The following MAP7 variants were observed in gnomAD, a reference collection of about 807,000 sequenced individuals.
The protein encoded by MAP7 is microtubule associated protein 7.
MAP7 carries 52 observed loss-of-function variants against 94.8 expected under a neutral mutation model. The observed-to-expected ratio is 0.55, with a 90% confidence interval of 0.44 to 0.69. The LOEUF (loss-of-function observed/expected upper bound fraction) is 0.69. Ranked by LOEUF, MAP7 falls within the 30% of genes least tolerant of loss-of-function variation. MAP7 has a pLI of 0.00. For synonymous variants in MAP7, 350 were observed against 357.0 expected, an observed-to-expected ratio of 0.98 and a Z score of 0.22; for missense variants, 940 against 964.6, an observed-to-expected ratio of 0.97 and a Z score of 0.34.
At chr6:136,350,140 C>T (rs533896301) in intron 16 of MAP7, among the ~76,000 whole-genome samples, 1 of 152,182 alleles carries the variant, frequency 6.6e-6, no homozygotes, top group African/African-American at 2.4e-5. Context: ...TACCACTATA[C>T]TTGCATGATC....
intron 1 of MAP7, among the ~76,000 whole-genome samples, chr6:136,524,979 A>T (rs1827422866): frequency 6.6e-6 from 1 of 152,232 alleles, no homozygotes; most frequent in Admixed American, 6.5e-5. Flanking sequence ...AAGGGGAAGC[A>T]AGACTTAGGA....
At chr6:136,538,344 T>C (rs563369571) in intron 1 of MAP7, among the ~76,000 whole-genome samples, 1 of 152,350 alleles carries the variant, frequency 6.6e-6, no homozygotes, top group African/African-American at 2.4e-5. Context: ...AGGCAAGTTG[T>C]ATGTTTCCTC....
intron 1 of MAP7, chr6:136,475,821 C>T (rs989120284): frequency 3.3e-5 from 5 of 152,048 alleles, no homozygotes; most frequent in Non-Finnish European, 5.9e-5. Context: ...GAAAATCAGC[C>T]TCTAGCCATC....
chr6:136,483,840 C>G (rs1034386983), intron 1 of MAP7, among the ~76,000 whole-genome samples: 9 of 152,136 alleles, frequency 5.9e-5, no homozygotes, highest in African/African-American at 2.2e-4. Context: ...ACATAGTGGC[C>G]TACCTTCAGA....
rs777001236 is a variant in MAP7 at position 136,372,483 on chromosome 6, C to T, written c.876+18G>A. ...ACTGGCTCCCAGACTTGCCCAGCTGCTCCCAACAGCTACTCACCGCTGTGC... is the reference window on the plus strand; with the variant it reads ...ACTGGCTCCCAGACTTGCCCAGCTGTTCCCAACAGCTACTCACCGCTGTGC... On this transcript the variant is annotated intron_variant, in intron 8 of 17. Transcript: ENST00000354570. 1 of 1,613,518 alleles carries T rather than the reference C, an allele frequency of 6.2e-7. No homozygotes were observed. Among genetic ancestry groups the T allele is most frequent in the Non-Finnish European group, 8.5e-7 (1 of 1,179,884 alleles).
At chr6:136,439,129 CA>C (rs954666174) in intron 1 of MAP7, among the ~76,000 whole-genome samples, 1 of 152,176 alleles carries the variant, frequency 6.6e-6, no homozygotes, top group Non-Finnish European at 1.5e-5. Context: ...ATGTATGTAT[CA>C]AACCAAAATA....
chr6:136,503,644 C>T (rs1310776379), intron 1 of MAP7, among the ~76,000 whole-genome samples: 1 of 152,158 alleles, frequency 6.6e-6, no homozygotes, highest in Non-Finnish European at 1.5e-5. Context: ...CTGTCCTTTC[C>T]ATTATTTAAA....
At chr6:136,384,569 G>A (rs1226277996) in intron 5 of MAP7, among the ~76,000 whole-genome samples, 1 of 151,186 alleles carries the variant, frequency 6.6e-6, no homozygotes, top group Non-Finnish European at 1.5e-5. Flanking sequence ...CTGCAGCCTC[G>A]ATCTCCTGGG....
At chr6:136,362,207 G>C (rs1328685540) in intron 11 of MAP7, among the ~76,000 whole-genome samples, 1 of 152,052 alleles carries the variant, frequency 6.6e-6, no homozygotes, top group Non-Finnish European at 1.5e-5. Flanking sequence ...GATCCCTTGA[G>C]CCCAAGAGTT....
intron 1 of MAP7, among the ~76,000 whole-genome samples, chr6:136,458,966 C>T (rs576268572): frequency 6.6e-6 from 1 of 152,140 alleles, no homozygotes; most frequent in East Asian, 1.9e-4. Flanking sequence ...AGGCAACCTA[C>T]AAAATGGGGA....
Position 136,365,776 on chromosome 6 carries a change from G to A in MAP7, c.1232C>T (p.Thr411Ile). ...TTCAGCAGGTGTCCGCTCTTCAACT[G>A]TGGCTTCTTCTACCTTCACTAAAGG... Reference protein sequence around the residue: ...RAPLVKVEEATVEERTPAEPE... With the variant: ...RAPLVKVEEAIVEERTPAEPE... The change falls in exon 10 of 18, where the codon ACA (threonine) becomes ATA (isoleucine). Residue 411 changes from threonine (T) to isoleucine (I), a missense_variant. Coordinates refer to ENST00000354570, the MANE Select transcript of MAP7 (RefSeq NM_003980.6). 2 of 1,614,118 alleles carry A rather than the reference G, an allele frequency of 1.2e-6. No individual in the cohort carries two copies. Among genetic ancestry groups the A allele is most frequent in the Non-Finnish European group, 8.5e-7 (1 of 1,180,028 alleles).
intron 1 of MAP7, among the ~76,000 whole-genome samples, chr6:136,468,932 C>G (rs1440113672): frequency 6.6e-6 from 1 of 151,964 alleles, no homozygotes; most frequent in Non-Finnish European, 1.5e-5. Flanking sequence ...CAGGGAAAGA[C>G]AGAGGACATT....
chr6:136,356,698 A>C lies in MAP7; in HGVS notation c.2009T>G (p.Val670Gly), dbSNP rs1436274771. ...AATGTCAGTGAAAACTCACCTCTCC[A>C]CTGTCACTTTTGACTGGTGTGAGGT... ...VVTSHQSKVT[V>G]ESTPDLEKQP... The change falls in exon 16 of 18, where the codon GTG becomes GGG. Residue 670 changes from valine (V) to glycine (G), a missense_variant. Coordinates refer to ENST00000354570, the MANE Select transcript of MAP7 (RefSeq NM_003980.6). 4 of 1,613,420 alleles carry C rather than the reference A, an allele frequency of 2.5e-6. No individual in the cohort carries two copies. The highest frequency in any genetic ancestry group is 3.4e-6 in the Non-Finnish European group (4 of 1,179,528).
chr6:136,366,353 T>C lies in MAP7; in HGVS notation c.963A>G (p.Ala321=). 6.2e-7 allele frequency: 1 copy of C among 1,614,146 alleles called. No individual in the cohort carries two copies. Among genetic ancestry groups the C allele is most frequent in the Non-Finnish European group, 8.5e-7 (1 of 1,179,988 alleles). The change falls in exon 9 of 18, where the codon GCA becomes GCG. Residue 321 remains alanine, a synonymous_variant. Coordinates refer to ENST00000354570, the MANE Select transcript of MAP7 (RefSeq NM_003980.6). ...RRAVSPSNPK[A]RQPARSRLWL... ...AAAGTCGGGAGCGAGCTGGTTGTCT[T>C]GCTTTGGGATTAGATGGAGATACAG...
intron 1 of MAP7, among the ~76,000 whole-genome samples, chr6:136,453,413 G>T (rs573158881): frequency 6.6e-6 from 1 of 152,266 alleles, no homozygotes; most frequent in African/African-American, 2.4e-5. Flanking sequence ...CACTGCTTAA[G>T]ATTCTGTCCC....
intron 1 of MAP7, among the ~76,000 whole-genome samples, chr6:136,499,671 G>A (rs571342068): frequency 1.6e-4 from 24 of 152,226 alleles, no homozygotes; most frequent in Non-Finnish European, 3.1e-4. Context: ...ATTCTTCTCT[G>A]TGTTTTGTTT....
intron 1 of MAP7, among the ~76,000 whole-genome samples, chr6:136,438,745 A>G (rs1797051518): frequency 6.6e-6 from 1 of 152,218 alleles, no homozygotes; most frequent in African/African-American, 2.4e-5. Flanking sequence ...CACCAAGACT[A>G]CAGAATTTCT....
chr6:136,346,490 A>G (rs1387398845), intron 16 of MAP7, among the ~76,000 whole-genome samples: 1 of 152,168 alleles, frequency 6.6e-6, no homozygotes, highest in Non-Finnish European at 1.5e-5. Flanking sequence ...TGAGCTCAGG[A>G]GTTTGAGGCT....
At chr6:136,460,110 TA>T (rs1337649702) in intron 1 of MAP7, among the ~76,000 whole-genome samples, 1 of 152,128 alleles carries the variant, frequency 6.6e-6, no homozygotes, top group East Asian at 1.9e-4. Context: ...GTCTTATACC[TA>T]AAGACATCCA....
Sources: gnomAD v4.1 joint callset for allele counts (sites outside exome capture counted in the v4.1 genomes callset) on GRCh38, gnomAD v4.1.1 for gene constraint, MANE v1.5 for transcripts, NCBI Gene and HGNC (gene_info 2026-07-23, HGNC 2026-07-21) for gene names.